COMMD1: variants seen among roughly 807,000 people sequenced by gnomAD.
COMMD1 encodes COMM domain-containing protein 1.
Under a neutral mutation model 17.2 loss-of-function variants are expected in COMMD1, and 10 were observed. The observed-to-expected ratio is 0.58, with a 90% CI of 0.36 to 0.99. The LOEUF is 0.99. COMMD1 is among the 50% of genes least tolerant of loss of function. COMMD1 has a pLI of 0.01. For synonymous variants in COMMD1, 97 were observed against 91.6 expected, an observed-to-expected ratio of 1.06 and a Z score of -0.34; for missense variants, 270 against 231.8, an observed-to-expected ratio of 1.17 and a Z score of -1.07.
chr2:62,048,700 A>C (rs1670452657), intron 2 of COMMD1, among the ~76,000 whole-genome samples: 2 of 150,282 alleles, frequency 1.3e-5, no homozygotes, highest in Admixed American at 6.6e-5. Flanking sequence ...TTTTTTTTTT[A>C]ATTGATGTAT....
intron 2 of COMMD1, among the ~76,000 whole-genome samples, chr2:62,104,282 A>C (rs1277752243): frequency 2.0e-5 from 3 of 152,200 alleles, no homozygotes; most frequent in African/African-American, 7.2e-5. Context: ...ACTTGAGGCC[A>C]GGAGCTCACA....
chr2:61,903,636 T>A (rs1200624124), upstream of COMMD1, among the ~76,000 whole-genome samples: 1 of 151,598 alleles, frequency 6.6e-6, no homozygotes, highest in African/African-American at 2.4e-5. Context: ...CACTGCAGCC[T>A]CTGCTTCCTG....
chr2:62,134,911 T>TCAACA (rs1673148058), intron 2 of COMMD1, among the ~76,000 whole-genome samples: 1 of 152,190 alleles, frequency 6.6e-6, no homozygotes, highest in African/African-American at 2.4e-5. Flanking sequence ...AAATGTTTGT[T>TCAACA]GTTATTTCAA....
chr2:62,053,868 TA>T (rs1670613068), intron 2 of COMMD1, among the ~76,000 whole-genome samples: 1 of 152,214 alleles, frequency 6.6e-6, no homozygotes, highest in African/African-American at 2.4e-5. Context: ...AAATGGAACT[TA>T]AACTTTCTGC....
At position 61,919,971 on chromosome 2, in the gene COMMD1, T is replaced by TA. The variant is rs761585993; in HGVS notation, c.180+14121dup. Among the ~76,000 whole-genome samples the TA allele has an allele frequency of 8.7e-4, 132 of 151,516 alleles. 1 individual carries two copies. The highest frequency in any genetic ancestry group is 1.4e-3 in the Non-Finnish European group (95 of 67,900). On this transcript the variant is annotated intron_variant, in intron 1 of 2. Coordinates refer to ENST00000311832, the MANE Select transcript of COMMD1 (RefSeq NM_152516.4). ...GGGAGCCCCTGTCTCTACAAAAAAA[T>TA]AAAAAAAATCAGCCAGGCATACTAG...
intron 2 of COMMD1, among the ~76,000 whole-genome samples, chr2:62,064,327 C>T (rs1443200594): frequency 6.6e-6 from 1 of 152,084 alleles, no homozygotes; most frequent in Non-Finnish European, 1.5e-5. Context: ...GTATGTGCCA[C>T]AACGCCTGGC....
At chr2:62,069,797 T>C (rs1183630649) in intron 2 of COMMD1, 1 of 152,202 alleles carries the variant, frequency 6.6e-6, no homozygotes, top group South Asian at 2.1e-4. Flanking sequence ...AAATTATCAC[T>C]TGTGGCTGAG....
At chr2:62,021,502 G>A (rs1669613892) in intron 2 of COMMD1, among the ~76,000 whole-genome samples, 1 of 151,942 alleles carries the variant, frequency 6.6e-6, no homozygotes, top group Admixed American at 6.6e-5. Flanking sequence ...AGTTGGAGGG[G>A]GTCAAAGACA....
chr2:62,068,024 A>G lies in COMMD1; in HGVS notation c.462+67042A>G, dbSNP rs1360935852. On this transcript the variant is annotated intron_variant, in intron 2 of 2. Transcript: ENST00000311832. Reference sequence around the variant, plus strand: ...CTATCAAATTCCCACTAATGAAGAAACACACTGATCACAGTGTAGCCACCA... The same window carrying G: ...CTATCAAATTCCCACTAATGAAGAAGCACACTGATCACAGTGTAGCCACCA... Among the ~76,000 whole-genome samples, 6 of 152,300 alleles carry G rather than the reference A, an allele frequency of 3.9e-5. No individual in the cohort carries two copies. In the East Asian group the frequency reaches 1.2e-3, roughly 29 times the overall value.
chr2:62,058,272 ATTC>A (rs894751798), intron 2 of COMMD1, among the ~76,000 whole-genome samples: 2 of 152,216 alleles, frequency 1.3e-5, no homozygotes, highest in African/African-American at 4.8e-5. Context: ...GTCCATACTG[ATTC>A]TTTTTTCATC....
intron 1 of COMMD1, among the ~76,000 whole-genome samples, chr2:61,962,906 A>G (rs1425080385): frequency 6.6e-6 from 1 of 152,142 alleles, no homozygotes; most frequent in East Asian, 1.9e-4. Context: ...CATGCCTGTG[A>G]TCCCAGCACT....
intron 2 of COMMD1, among the ~76,000 whole-genome samples, chr2:62,027,144 A>G (rs1669781425): frequency 6.6e-6 from 1 of 152,184 alleles, no homozygotes; most frequent in South Asian, 2.1e-4. Context: ...CCAATCATTG[A>G]TGTGGGATAG....
chr2:62,119,213 A>C (rs1672680244), intron 2 of COMMD1, among the ~76,000 whole-genome samples: 1 of 152,190 alleles, frequency 6.6e-6, no homozygotes, highest in Non-Finnish European at 1.5e-5. Context: ...TCTACAAGCC[A>C]AGGAGAGGCC....
chr2:61,977,472 A>G (rs28464129), intron 1 of COMMD1, among the ~76,000 whole-genome samples: 18,883 of 146,938 alleles, frequency 0.13, 2,885 homozygotes, highest in African/African-American at 0.37. Flanking sequence ...TCGAACTCCC[A>G]ACCTCAGGTG....
At chr2:62,108,206 C>G (rs896823925) in intron 2 of COMMD1, among the ~76,000 whole-genome samples, 1 of 152,114 alleles carries the variant, frequency 6.6e-6, no homozygotes, top group Non-Finnish European at 1.5e-5. Context: ...TAGGCAAATA[C>G]TTTTTAAATA....
chr2:61,958,269 CT>C (rs542798625), intron 1 of COMMD1, among the ~76,000 whole-genome samples: 1,512 of 141,104 alleles, frequency 0.011, 61 homozygotes, highest in Admixed American at 0.081. Context: ...TCTTTCTTTC[CT>C]TTTTTTTTTT....
intron 1 of COMMD1, among the ~76,000 whole-genome samples, chr2:61,925,090 G>A (rs1670294459): frequency 6.6e-6 from 1 of 152,106 alleles, no homozygotes; most frequent in African/African-American, 2.4e-5. Context: ...GATGGTGGAT[G>A]AAGTCGCCAG....
At chr2:61,999,705 A>G (rs1668868902) in intron 1 of COMMD1, among the ~76,000 whole-genome samples, 1 of 152,076 alleles carries the variant, frequency 6.6e-6, no homozygotes, top group Admixed American at 6.5e-5. Context: ...CTGGGACTAC[A>G]GGCACACACC....
At chr2:62,077,137 A>C (rs1671368130) in intron 2 of COMMD1, among the ~76,000 whole-genome samples, 1 of 152,176 alleles carries the variant, frequency 6.6e-6, no homozygotes, top group Non-Finnish European at 1.5e-5. Flanking sequence ...TCTGAAAAAA[A>C]ATAATTATTA....
Sources: allele counts gnomAD v4.1 joint callset (sites outside exome capture counted in the v4.1 genomes callset), GRCh38; gene constraint gnomAD v4.1.1; transcripts MANE v1.5; gene names NCBI Gene and HGNC (gene_info 2026-07-23, HGNC 2026-07-21).